Variants in ERG observed in about 807,000 individuals in gnomAD.
ERG encodes the protein ETS transcription factor ERG, also known as transcriptional regulator ERG.
Under a neutral mutation model 55.3 loss-of-function variants are expected in ERG, and 9 were observed. The ratio of observed to expected loss-of-function variants is 0.16; its 90% CI spans 0.10 to 0.28. The LOEUF is 0.28. ERG is among the 10% of genes least tolerant of loss of function. ERG has a pLI of 1.00. For synonymous variants in ERG, 223 were observed against 237.3 expected (o/e 0.94, Z 0.55); for missense variants, 434 against 631.6 (o/e 0.69, Z 3.35).
intron 1 of ERG, among the ~76,000 whole-genome samples, chr21:38,646,829 AG>A (rs143862185): frequency 0.013 from 2,024 of 151,922 alleles, 46 homozygotes; most frequent in African/African-American, 0.047. Context: ...TTTTTACTGG[AG>A]GGGAAAGATC....
chr21:38,610,524 CGCGTGTGTGT>C (rs2146927484), intron 1 of ERG, among the ~76,000 whole-genome samples: 1 of 117,294 alleles, frequency 8.5e-6, no homozygotes, highest in East Asian at 2.4e-4. Flanking sequence ...TGCGCGCACG[CGCGTGTGTGT>C]GTGTGTGTGT....
At chr21:38,418,266 T>G (rs1342298358) in intron 3 of ERG, among the ~76,000 whole-genome samples, 1 of 117,910 alleles carries the variant, frequency 8.5e-6, no homozygotes, top group Non-Finnish European at 1.8e-5. Flanking sequence ...TTGGAACATT[T>G]GGAAGTGTGT....
intron 2 of ERG, among the ~76,000 whole-genome samples, chr21:38,543,074 C>T (rs1211271510): frequency 1.3e-5 from 2 of 152,124 alleles, no homozygotes; most frequent in South Asian, 2.1e-4. Context: ...CACTATGCAG[C>T]CAACACTACC....
chr21:38,392,553 A>T (rs1569060643), intron 6 of ERG, 109 bp from the exon 7 acceptor site: 4 of 741,708 alleles, frequency 5.4e-6, no homozygotes, highest in Non-Finnish European at 8.1e-6. Flanking sequence ...TGTGCAAAAA[A>T]ATCTGGTAAT....
intron 2 of ERG, among the ~76,000 whole-genome samples, chr21:38,503,786 G>C (rs1315662909): frequency 6.6e-6 from 1 of 152,152 alleles, no homozygotes; most frequent in Non-Finnish European, 1.5e-5. Context: ...TAAGAATCAA[G>C]CATCTGGGGC....
At chr21:38,537,650 T>C (rs1033563747) in intron 2 of ERG, among the ~76,000 whole-genome samples, 1 of 152,094 alleles carries the variant, frequency 6.6e-6, no homozygotes, top group Non-Finnish European at 1.5e-5. Context: ...AGTATGACTA[T>C]TACCAAAAAA....
chr21:38,526,147 G>A (rs8135006), intron 2 of ERG, among the ~76,000 whole-genome samples: 3,045 of 152,236 alleles, frequency 0.02, 105 homozygotes, highest in African/African-American at 0.07. Context: ...ACTGGAGGAT[G>A]AGGGATGCTC....
chr21:38,639,209 C>T (rs528067504), intron 1 of ERG, among the ~76,000 whole-genome samples: 70 of 152,316 alleles, frequency 4.6e-4, no homozygotes, highest in African/African-American at 1.7e-3. Flanking sequence ...CCCACCTGGG[C>T]ACACAGTTTC....
chr21:38,423,710 G>A, intron 2 of ERG, 149 bp from the exon 3 acceptor site: 2 of 813,992 alleles, frequency 2.5e-6, no homozygotes, highest in East Asian at 5.4e-5. Flanking sequence ...AATACAGGCG[G>A]GGTGCCGTGG....
chr21:38,620,457 A>G (rs1386980385), intron 1 of ERG, among the ~76,000 whole-genome samples: 2 of 152,222 alleles, frequency 1.3e-5, no homozygotes, highest in Non-Finnish European at 2.9e-5. Flanking sequence ...AGGAAGGAGC[A>G]ATAGTGTAAT....
At chr21:38,621,964 G>A (rs1482763387) in intron 1 of ERG, among the ~76,000 whole-genome samples, 1 of 152,184 alleles carries the variant, frequency 6.6e-6, no homozygotes. Context: ...AGGCTCTCTC[G>A]GATCTCCAGG....
chr21:38,649,847 T>A (rs2146984005), intron 1 of ERG, among the ~76,000 whole-genome samples: 1 of 152,324 alleles, frequency 6.6e-6, no homozygotes, highest in East Asian at 1.9e-4. Context: ...GTCTTGCTTC[T>A]CCATTTGTCC....
intron 5 of ERG, among the ~76,000 whole-genome samples, chr21:38,402,062 A>G (rs1988521397): frequency 6.6e-6 from 1 of 152,200 alleles, no homozygotes; most frequent in African/African-American, 2.4e-5. Flanking sequence ...GCAAACATAC[A>G]AAGTCTGTAG....
At chr21:38,657,211 G>A (rs1217484877) in intron 1 of ERG, among the ~76,000 whole-genome samples, 1 of 152,118 alleles carries the variant, frequency 6.6e-6, no homozygotes, top group Non-Finnish European at 1.5e-5. Context: ...TTCTGAATAG[G>A]ACAGAGTCAC....
chr21:38,606,893 A>C (rs1244110399), intron 1 of ERG, among the ~76,000 whole-genome samples: 1 of 152,190 alleles, frequency 6.6e-6, no homozygotes, highest in Non-Finnish European at 1.5e-5. Context: ...ATTTGGAGAT[A>C]AATAATAACC....
intron 1 of ERG, among the ~76,000 whole-genome samples, chr21:38,591,557 T>C (rs968004101): frequency 3.9e-5 from 6 of 152,128 alleles, no homozygotes; most frequent in Non-Finnish European, 7.3e-5. Context: ...CCGGGCATGG[T>C]GGTGGACACC....
upstream of ERG, among the ~76,000 whole-genome samples, chr21:38,588,918 A>C (rs1357666633): frequency 6.6e-6 from 1 of 152,036 alleles, no homozygotes; most frequent in Non-Finnish European, 1.5e-5. Flanking sequence ...TTTTGGAGAC[A>C]TGAGATCTCA....
upstream of ERG, among the ~76,000 whole-genome samples, chr21:38,585,351 A>G (rs78779080): frequency 2.3e-3 from 347 of 152,286 alleles, 1 homozygote; most frequent in Non-Finnish European, 4.3e-3. Flanking sequence ...CATCCCGAGA[A>G]CTGTAATTAA....
chr21:38,434,233 G>C (rs548950444), intron 2 of ERG, among the ~76,000 whole-genome samples: 3 of 152,232 alleles, frequency 2.0e-5, no homozygotes, highest in Non-Finnish European at 2.9e-5. Flanking sequence ...ATTAACATGG[G>C]GCTGGCATTT....
Sources: allele counts gnomAD v4.1 joint callset (sites outside exome capture counted in the v4.1 genomes callset), GRCh38; gene constraint gnomAD v4.1.1; transcripts MANE v1.5; gene names NCBI Gene and HGNC (gene_info 2026-07-23, HGNC 2026-07-21).